SLC33A1: variants seen among roughly 807,000 people sequenced by gnomAD.
SLC33A1 encodes solute carrier family 33 member 1.
Under a neutral mutation model 50.0 loss-of-function variants are expected in SLC33A1, and 20 were observed. The ratio of observed to expected loss-of-function variants is 0.40; its 90% CI spans 0.28 to 0.58. The LOEUF is 0.58. Ranked by LOEUF, SLC33A1 falls within the 20% of genes least tolerant of loss-of-function variation. The pLI is 0.44. For missense variants in SLC33A1, 476 were observed against 657.0 expected, an observed-to-expected ratio of 0.72 and a Z score of 3.01; for synonymous variants, 265 against 251.8, an observed-to-expected ratio of 1.05 and a Z score of -0.50.
chr3:155,850,754 T>C (rs1212073649), intron 1 of SLC33A1, among the ~76,000 whole-genome samples: 1 of 151,586 alleles, frequency 6.6e-6, no homozygotes, highest in Non-Finnish European at 1.5e-5. Context: ...GTAGCTGGGA[T>C]TACAAGTGAA....
In SLC33A1 at chr3:155,828,095, T is replaced by C. The variant is rs1455397515; in HGVS notation, c.*115A>G. On this transcript the variant is annotated 3_prime_UTR_variant, in exon 6 of 6. Coordinates refer to ENST00000643144, the MANE Select transcript of SLC33A1 (RefSeq NM_004733.4). ...TTTTTCAACCATTTGGCATTTTATA[T>C]TATTAATTTCGCTGTTTAAAATAAT... 5 of 748,372 alleles carry C rather than the reference T, an allele frequency of 6.7e-6. No individual in the cohort carries two copies. Among genetic ancestry groups the C allele is most frequent in the Non-Finnish European group, 1.1e-5 (5 of 439,410 alleles). 46.4% of individuals were successfully genotyped at this position (748,372 alleles called of 1,614,324 possible).
intron 1 of SLC33A1, among the ~76,000 whole-genome samples, chr3:155,849,677 G>C (rs2108005815): frequency 6.6e-6 from 1 of 151,962 alleles, no homozygotes; most frequent in Non-Finnish European, 1.5e-5. Flanking sequence ...GGAAGCCGAG[G>C]TGAGCAGATC....
chr3:155,849,744 CCAAAAATA>C (rs1401217144), intron 1 of SLC33A1, among the ~76,000 whole-genome samples: 1 of 151,270 alleles, frequency 6.6e-6, no homozygotes, highest in Non-Finnish European at 1.5e-5. Context: ...CCCATCTCTA[CCAAAAATA>C]CAAAAATTAG....
chr3:155,850,002 T>A (rs1753337144), intron 1 of SLC33A1, among the ~76,000 whole-genome samples: 1 of 151,184 alleles, frequency 6.6e-6, no homozygotes, highest in Admixed American at 6.6e-5. Context: ...CTGTCTGTTA[T>A]CAGTTTGTTG....
At chr3:155,846,477 G>A (rs943783222) in intron 1 of SLC33A1, among the ~76,000 whole-genome samples, 1 of 137,464 alleles carries the variant, frequency 7.3e-6, no homozygotes, top group African/African-American at 2.9e-5. Flanking sequence ...TTTTGAGACT[G>A]AGTTTCGCTC....
At chr3:155,828,897 T>C (rs971441452) in intron 5 of SLC33A1, among the ~76,000 whole-genome samples, 1 of 71,668 alleles carries the variant, frequency 1.4e-5, no homozygotes, top group South Asian at 3.5e-4. Context: ...GCCGAATATG[T>C]TTTTTTTTTT....
At chr3:155,832,350 C>A (rs1019797290) in intron 4 of SLC33A1, among the ~76,000 whole-genome samples, 12 of 151,904 alleles carry the variant, frequency 7.9e-5, no homozygotes, top group Admixed American at 7.9e-4. Context: ...TGCACTCCAG[C>A]CTGGGCAACA....
At position 155,824,853 on chromosome 3, in the gene SLC33A1, C is replaced by T. The variant is rs1351809340; in HGVS notation, c.*3357G>A. The T allele has an allele frequency of 6.6e-6, 1 of 152,048 alleles. No homozygotes were observed. The highest frequency in any genetic ancestry group is 1.5e-5 in the Non-Finnish European group (1 of 67,996). 9.4% of individuals were successfully genotyped at this position (152,048 alleles called of 1,614,324 possible). On this transcript the variant is annotated 3_prime_UTR_variant, in exon 6 of 6. Transcript: ENST00000643144. Reference sequence around the variant, plus strand: ...AGGGGTGAAATCCAAAAATTACTTTCGATTTCAAAGGTTTAATATTTTTAA... The same window carrying T: ...AGGGGTGAAATCCAAAAATTACTTTTGATTTCAAAGGTTTAATATTTTTAA...
chr3:155,852,652 T>G (rs973891405), intron 1 of SLC33A1, among the ~76,000 whole-genome samples: 1 of 152,218 alleles, frequency 6.6e-6, no homozygotes, highest in African/African-American at 2.4e-5. Context: ...ATGTGAAGCC[T>G]GACTCCCAAA....
Position 155,828,109 on chromosome 3 carries a change from G to T in SLC33A1, c.*101C>A. On this transcript the variant is annotated 3_prime_UTR_variant, in exon 6 of 6. Transcript: ENST00000643144. ...GGCATTTTATATTATTAATTTCGCT[G>T]TTTAAAATAATATTTTATACTCCTG... The T allele has an allele frequency of 1.2e-6, 1 of 847,846 alleles. No individual in the cohort carries two copies. Among genetic ancestry groups the T allele is most frequent in the Non-Finnish European group, 1.9e-6 (1 of 514,600 alleles). 52.5% of individuals were successfully genotyped at this position (847,846 alleles called of 1,614,324 possible). A position where few individuals can be genotyped will look rare whatever the true frequency, so the allele number is the denominator to read the frequency against.
At chr3:155,847,679 C>T (rs1344612400) in intron 1 of SLC33A1, among the ~76,000 whole-genome samples, 1 of 151,554 alleles carries the variant, frequency 6.6e-6, no homozygotes, top group Non-Finnish European at 1.5e-5. Context: ...ACCTGGGAGG[C>T]AGAAGTTGCA....
chr3:155,844,156 G>A (rs1262768948), intron 1 of SLC33A1, among the ~76,000 whole-genome samples: 1 of 152,164 alleles, frequency 6.6e-6, no homozygotes, highest in East Asian at 1.9e-4. Flanking sequence ...TTACGAGGCA[G>A]AAAGACAGCA....
At chr3:155,830,390 A>C (rs911903566) in intron 4 of SLC33A1, among the ~76,000 whole-genome samples, 16 of 151,634 alleles carry the variant, frequency 1.1e-4, no homozygotes, top group Non-Finnish European at 1.3e-4. Flanking sequence ...ATAAATAAAT[A>C]AAAATAAATA....
At chr3:155,833,792 G>T in intron 3 of SLC33A1, 65 bp downstream of exon 3, 1 of 1,205,842 alleles carries the variant, frequency 8.3e-7, no homozygotes, top group Non-Finnish European at 1.2e-6. Context: ...TCAGATATTA[G>T]TGGTATTGAT....
At chr3:155,838,787 T>C (rs1040423873) in intron 2 of SLC33A1, among the ~76,000 whole-genome samples, 10 of 151,468 alleles carry the variant, frequency 6.6e-5, no homozygotes, top group Non-Finnish European at 1.5e-4. Context: ...GAGTTTGAGA[T>C]TACACTGAGT....
At chr3:155,847,953 C>G (rs1049765932) in intron 1 of SLC33A1, among the ~76,000 whole-genome samples, 1 of 152,156 alleles carries the variant, frequency 6.6e-6, no homozygotes, top group Non-Finnish European at 1.5e-5. Flanking sequence ...GCTTCCTTCT[C>G]TGTCATTAAA....
chr3:155,839,746 G>A (rs180998683), intron 2 of SLC33A1, among the ~76,000 whole-genome samples: 14 of 152,100 alleles, frequency 9.2e-5, no homozygotes, highest in Admixed American at 5.9e-4. Flanking sequence ...TCAGGAGTTT[G>A]AGACCAGCCT....
chr3:155,824,344 A>T lies in SLC33A1; in HGVS notation c.*3866T>A, dbSNP rs1577451371. The T allele has an allele frequency of 6.6e-6, 1 of 152,182 alleles. No individual in the cohort carries two copies. Among genetic ancestry groups the T allele is most frequent in the Middle Eastern group, 3.2e-3 (1 of 316 alleles). The allele number at this position is 152,182 out of a possible 1,614,324, so 9.4% of individuals were successfully genotyped here. ...AGAATTCTCCAAAATACAAAAATTA[A>T]ATTTTCAGCTTTTATATCAAATAAT... On this transcript the variant is annotated 3_prime_UTR_variant, in exon 6 of 6. Transcript: ENST00000643144.
intron 2 of SLC33A1, among the ~76,000 whole-genome samples, chr3:155,839,719 A>T (rs1246296863): frequency 6.6e-6 from 1 of 152,132 alleles, no homozygotes; most frequent in East Asian, 1.9e-4. Context: ...GAGTCTAGGC[A>T]GGTGGATCAC....
Sources: gnomAD v4.1 joint callset for allele counts (sites outside exome capture counted in the v4.1 genomes callset) on GRCh38, gnomAD v4.1.1 for gene constraint, MANE v1.5 for transcripts, NCBI Gene and HGNC (gene_info 2026-07-23, HGNC 2026-07-21) for gene names.